Variants in VPS8 observed in about 807,000 individuals in gnomAD.
VPS8 encodes VPS8 subunit of CORVET complex, also known as vacuolar protein sorting-associated protein 8 homolog.
In VPS8, 129 loss-of-function variants were observed where a neutral mutation model predicts 216.4. That is an observed-to-expected ratio of 0.60 (90% confidence interval 0.52 to 0.69). VPS8 has a LOEUF of 0.69. Ranked by LOEUF, VPS8 falls within the 30% of genes least tolerant of loss-of-function variation. The pLI is 0.00. For missense variants in VPS8, 1,531 were observed against 1,683.5 expected (o/e 0.91, Z 1.59); for synonymous variants, 571 against 565.4 (o/e 1.01, Z -0.14).
At chr3:184,929,355 G>A (rs1309449816) in intron 32 of VPS8, among the ~76,000 whole-genome samples, 3 of 151,950 alleles carry the variant, frequency 2.0e-5, no homozygotes, top group African/African-American at 7.3e-5. Flanking sequence ...CACCATACCT[G>A]GCTTTTAGTT....
rs1750473393 is a variant in VPS8, at chr3:184,983,076, C to T, written c.3567C>T (p.Ile1189=). The part of the protein sequence containing the change: ...SMAAFIALPS[I]LQRILQDPVY... ...CAGCATTTATTGCCCTTCCATCAAT[C>T]TTGCAAAGAATCTTACAGGTGAGTT... The change falls in exon 42 of 48, where the codon ATC becomes ATT. Residue 1189 remains isoleucine (I), a synonymous_variant. Coordinates refer to ENST00000625842, the MANE Select transcript of VPS8 (RefSeq NM_001009921.3). The T allele has an allele frequency of 6.2e-7, 1 of 1,608,260 alleles. No homozygotes were observed. The highest frequency in any genetic ancestry group is 8.5e-7 in the Non-Finnish European group (1 of 1,176,806).
rs896770636 is a variant in VPS8, at chr3:184,936,725, A to T, written c.2988+390A>T. 2.0e-5 allele frequency among the ~76,000 whole-genome samples: 3 copies of T among 150,758 alleles called. No homozygotes were observed. In the South Asian group the frequency reaches 6.3e-4, roughly 31 times the overall value. The stretch of plus-strand genomic sequence containing the variant: ...TTCTCCCATTTTCTTTTGCTGTAGG[A>T]TCCACAACCCCGTTTTCTTTTTTTT... On this transcript the variant is annotated intron_variant, in intron 35 of 47. Transcript: ENST00000625842.
chr3:184,982,617 A>C lies in VPS8; in HGVS notation c.3472A>C (p.Ser1158Arg), dbSNP rs746947820. The change falls in exon 41 of 48, where the codon AGT (serine) becomes CGT (arginine). Residue 1158 changes from serine (S) to arginine (R), a missense_variant. This residue lies in a region of VPS8 where 1,318 missense variants were observed against 1,468.4 expected (regional missense o/e 0.90). Transcript: ENST00000625842. ...EAMMAPQKLS[S>R]SAIPHLHSEA... ...AATGATGGCCCCTCAGAAGCTGTCC[A>C]GTTCAGCCATTCCTCATCTACACTC... The C allele has an allele frequency of 1.4e-5, 22 of 1,611,636 alleles. No homozygotes were observed. The highest frequency in any genetic ancestry group is 1.9e-5 in the Non-Finnish European group (22 of 1,179,072).
In VPS8 at chr3:185,010,633, T is replaced by C. The variant is rs1000443521; in HGVS notation, c.4002+10772T>C. Among the ~76,000 whole-genome samples, 4 of 151,184 alleles carry C rather than the reference T, an allele frequency of 2.6e-5. No individual in the cohort carries two copies. In the East Asian group the frequency reaches 7.7e-4, roughly 29 times the overall value. On this transcript the variant is annotated intron_variant, in intron 45 of 47. Transcript: ENST00000625842. ...GATAAAATTAATAGCAGGATGGGCA[T>C]TGGAGAAGAAATGATTAGTGAACTT...
chr3:184,858,911 T>C (rs565455769), intron 14 of VPS8, among the ~76,000 whole-genome samples: 1 of 152,284 alleles, frequency 6.6e-6, no homozygotes, highest in African/African-American at 2.4e-5. Flanking sequence ...ATGTTTTATC[T>C]CCTGTTACAG....
intron 47 of VPS8, among the ~76,000 whole-genome samples, chr3:185,049,135 AC>A: frequency 6.6e-6 from 1 of 152,042 alleles, no homozygotes; most frequent in South Asian, 2.1e-4. Context: ...TAGAATTTAG[AC>A]CCATGACCAT....
rs569122118 is a variant in VPS8, at chr3:184,886,602, C to T, written c.1781+446C>T. Among the ~76,000 whole-genome samples, 8 of 150,128 alleles carry T rather than the reference C, an allele frequency of 5.3e-5. 1 individual carries two copies. The highest frequency in any genetic ancestry group is 2.7e-4 in the Admixed American group (4 of 15,066). ...TATATATACTTTTTTTTTTTTGAGA[C>T]GGAATCTCGCCCTGTCACCCAGGCT... is the stretch of plus-strand genomic sequence containing the variant. On this transcript the variant is annotated intron_variant, in intron 22 of 47. Transcript: ENST00000625842.
At chr3:184,832,046 A>G (rs62286933) in intron 3 of VPS8, among the ~76,000 whole-genome samples, 16,169 of 152,254 alleles carry the variant, frequency 0.11, 1,408 homozygotes, top group African/African-American at 0.24. Flanking sequence ...TAGAGGTACA[A>G]TGATGAACAA....
At chr3:184,996,234 A>C in intron 43 of VPS8, 98 bp from the exon 44 acceptor site, 1 of 1,346,178 alleles carries the variant, frequency 7.4e-7, no homozygotes, top group Non-Finnish European at 9.9e-7. Flanking sequence ...AGCTGTTGGT[A>C]GTTGAAAACT....
intron 38 of VPS8, among the ~76,000 whole-genome samples, chr3:184,965,356 T>C (rs1747228736): frequency 6.6e-6 from 1 of 152,250 alleles, no homozygotes; most frequent in Non-Finnish European, 1.5e-5. Flanking sequence ...TTTCTTTTTC[T>C]TGCAATTTAT....
intron 38 of VPS8, among the ~76,000 whole-genome samples, chr3:184,965,066 G>T (rs929830245): frequency 1.3e-5 from 2 of 152,168 alleles, no homozygotes; most frequent in African/African-American, 4.8e-5. Context: ...ACACTCAGGG[G>T]TTCCAGTTTC....
chr3:184,844,211 C>T lies in VPS8; in HGVS notation c.541+966C>T, dbSNP rs182895966. ...CCGAGGTGGGCAGATCACTTGAGGT[C>T]AGTAGTTCGAGACCAGCCTGGCCAA... On this transcript the variant is annotated intron_variant, in intron 8 of 47. Coordinates refer to ENST00000625842, the MANE Select transcript of VPS8 (RefSeq NM_001009921.3). 1.6e-3 allele frequency among the ~76,000 whole-genome samples: 242 copies of T among 152,216 alleles called. 2 individuals are homozygous for T. Among genetic ancestry groups the T allele is most frequent in the African/African-American group, 4.8e-3 (201 of 41,540 alleles).
intron 11 of VPS8, among the ~76,000 whole-genome samples, 183 bp from the exon 12 acceptor site, chr3:184,853,674 T>C (rs1014060923): frequency 6.6e-6 from 1 of 152,200 alleles, no homozygotes; most frequent in African/African-American, 2.4e-5. Flanking sequence ...TGGACTGTTT[T>C]TGGCAGAAAA....
At chr3:184,893,759 G>A (rs1024546338) in intron 22 of VPS8, among the ~76,000 whole-genome samples, 1 of 152,150 alleles carries the variant, frequency 6.6e-6, no homozygotes, top group African/African-American at 2.4e-5. Context: ...AATGGGAAAG[G>A]CTTTATATGT....
intron 46 of VPS8, among the ~76,000 whole-genome samples, chr3:185,027,392 G>A (rs918639426): frequency 3.3e-5 from 5 of 151,690 alleles, no homozygotes; most frequent in Admixed American, 6.6e-5. Context: ...ACAGGTGCCC[G>A]CCACCACGCC....
intron 25 of VPS8, 32 bp from the exon 26 acceptor site, chr3:184,913,487 A>T (rs766205399): frequency 6.4e-7 from 1 of 1,552,424 alleles, no homozygotes; most frequent in Non-Finnish European, 8.7e-7. Context: ...TTTGAGAGAA[A>T]ATTGCTGAAG....
intron 3 of VPS8, 94 bp from the exon 4 acceptor site, chr3:184,832,595 G>A: frequency 1.8e-6 from 2 of 1,112,832 alleles, no homozygotes; most frequent in Non-Finnish European, 2.5e-6. Flanking sequence ...GCAGAAATAA[G>A]CACTTGTGTG....
chr3:184,834,673 T>G lies in VPS8; in HGVS notation c.378T>G (p.Phe126Leu). Reference protein sequence around the residue: ...LKRKKKLPDSFSLHGSVMRHS... With the variant: ...LKRKKKLPDSLSLHGSVMRHS... ...GGAAGAAGAAATTACCTGATTCTTT[T>G]TCACTTCATGGATCAGTTATGCGCC... The change falls in exon 5 of 48, where the codon TTT becomes TTG. Residue 126 changes from phenylalanine to leucine, a missense_variant. Coordinates refer to ENST00000625842, the MANE Select transcript of VPS8 (RefSeq NM_001009921.3). The G allele has an allele frequency of 6.4e-7, 1 of 1,553,054 alleles. No individual in the cohort carries two copies. Among genetic ancestry groups the G allele is most frequent in the Non-Finnish European group, 8.7e-7 (1 of 1,148,518 alleles).
chr3:184,827,237 T>G (rs1024861452), intron 3 of VPS8, among the ~76,000 whole-genome samples: 1 of 152,246 alleles, frequency 6.6e-6, no homozygotes, highest in African/African-American at 2.4e-5. Flanking sequence ...TGCAAACTAC[T>G]TTCTCTGTCA....
Sources: allele counts gnomAD v4.1 joint callset (sites outside exome capture counted in the v4.1 genomes callset), GRCh38; gene constraint gnomAD v4.1.1; regional missense constraint gnomAD v4.1.1; transcripts MANE v1.5; gene names NCBI Gene and HGNC (gene_info 2026-07-23, HGNC 2026-07-21).